MOV10L1: variants seen among roughly 807,000 people sequenced by gnomAD.
MOV10L1 encodes the protein Mov10 like RNA helicase 1, also known as RNA helicase Mov10l1.
Under a neutral mutation model 143.8 loss-of-function variants are expected in MOV10L1, and 110 were observed. The ratio of observed to expected loss-of-function variants is 0.76; its 90% CI spans 0.66 to 0.90. MOV10L1 has a LOEUF of 0.90. Ranked by LOEUF, MOV10L1 falls within the 40% of genes least tolerant of loss-of-function variation. The pLI, the probability that MOV10L1 is intolerant of heterozygous loss-of-function variation, is 0.00. For synonymous variants in MOV10L1, 593 were observed against 581.1 expected (o/e 1.02, Z -0.29); for missense variants, 1,406 against 1,526.8 (o/e 0.92, Z 1.32).
At chr22:50,113,907 CTTTTCTT>C in intron 6 of MOV10L1, 119 bp downstream of exon 6, 43 of 451,080 alleles carry the variant, frequency 9.5e-5, no homozygotes, top group Admixed American at 3.9e-4. Flanking sequence ...TTATGAAGAT[CTTTTCTT>C]TTTTTTTTTT....
At position 50,117,283 on chromosome 22, in the gene MOV10L1, G is replaced by A; in HGVS notation, c.1386G>A (p.Trp462Ter). Residue 462 changes from tryptophan (W) to a stop codon, truncating the protein, a stop_gained, in exon 9 of 27, where the codon TGG (tryptophan) becomes TGA (stop). Coordinates refer to ENST00000262794, the MANE Select transcript of MOV10L1 (RefSeq NM_018995.3). LOFTEE classifies it high-confidence loss of function. Reference protein sequence around the residue: ...SLIAAREPFSWKKLKSSQALT... With the variant: ...SLIAAREPFS Reference sequence around the variant, plus strand: ...TTGCTGCGCGCGAACCATTTTCTTGGAAAAAGCTTAAAAGTTCACAAGCGT... The same window carrying A: ...TTGCTGCGCGCGAACCATTTTCTTGAAAAAAGCTTAAAAGTTCACAAGCGT... 1 of 1,614,112 alleles carries A rather than the reference G, an allele frequency of 6.2e-7. No homozygotes were observed. Among genetic ancestry groups the A allele is most frequent in the Non-Finnish European group, 8.5e-7 (1 of 1,180,024 alleles).
At chr22:50,116,885 G>C (rs2062194846) in intron 8 of MOV10L1, among the ~76,000 whole-genome samples, 2 of 151,930 alleles carry the variant, frequency 1.3e-5, no homozygotes, top group Admixed American at 6.6e-5. Context: ...CAAACTCCTG[G>C]GCTCAAGCGA....
chr22:50,135,307 C>T (rs558911312), intron 15 of MOV10L1, among the ~76,000 whole-genome samples: 127 of 152,054 alleles, frequency 8.4e-4, no homozygotes, highest in African/African-American at 2.9e-3. Flanking sequence ...CCACCACACC[C>T]GGCCTTAGAG....
intron 18 of MOV10L1, 48 bp from the exon 19 acceptor site, chr22:50,145,641 G>T: frequency 6.2e-7 from 1 of 1,604,874 alleles, no homozygotes. Context: ...TTGGAATTCT[G>T]CTTAATAATT....
intron 19 of MOV10L1, chr22:50,146,948 GC>G: frequency 2.1e-6 from 2 of 957,542 alleles, no homozygotes; most frequent in Non-Finnish European, 3.2e-6. Context: ...TTTCAGACTA[GC>G]CACTGTGCGG....
At chr22:50,137,382 A>G (rs1202885491) in intron 15 of MOV10L1, among the ~76,000 whole-genome samples, 1 of 152,210 alleles carries the variant, frequency 6.6e-6, no homozygotes, top group Non-Finnish European at 1.5e-5. Flanking sequence ...AATATATTGG[A>G]CAGAATTATC....
chr22:50,127,846 C>T (rs2062556206), intron 12 of MOV10L1, among the ~76,000 whole-genome samples: 1 of 151,546 alleles, frequency 6.6e-6, no homozygotes. Context: ...GATCTTGGCT[C>T]ACTGCAACCT....
intron 2 of MOV10L1, among the ~76,000 whole-genome samples, chr22:50,098,791 G>A (rs1027169522): frequency 1.3e-5 from 2 of 152,168 alleles, no homozygotes; most frequent in African/African-American, 4.8e-5. Flanking sequence ...CATTGAGTGT[G>A]GTGTTTGTTG....
intron 22 of MOV10L1, among the ~76,000 whole-genome samples, chr22:50,156,949 A>C (rs919049731): frequency 6.6e-6 from 1 of 152,176 alleles, no homozygotes; most frequent in Non-Finnish European, 1.5e-5. Context: ...TTTCCACAGT[A>C]ACTGCAGCAT....
intron 1 of MOV10L1, chr22:50,090,654 C>T (rs2079976231): frequency 2.8e-6 from 3 of 1,056,146 alleles, no homozygotes; most frequent in Non-Finnish European, 4.3e-6. Context: ...GATGCCCTCA[C>T]CGTTCCTTTC....
chr22:50,153,090 A>T lies in MOV10L1; in HGVS notation c.2938A>T (p.Met980Leu). ...CTACCGGTCCCACGAGGCCCTGCTGATGCTGCCCTCACGGCTGTTCTACCA... is the reference window on the plus strand; with the variant it reads ...CTACCGGTCCCACGAGGCCCTGCTGTTGCTGCCCTCACGGCTGTTCTACCA... ...KNYRSHEALL[M>L]LPSRLFYHRE... is the part of the protein sequence containing the mutation. The change falls in exon 22 of 27, where the codon ATG becomes TTG. Residue 980 changes from methionine to leucine, a missense_variant. This residue lies in a region of MOV10L1 where 1,233 missense variants were observed against 1,351.4 expected (regional missense o/e 0.91). Transcript: ENST00000262794. 6.2e-7 allele frequency: 1 copy of T among 1,612,914 alleles called. No individual in the cohort carries two copies. Among genetic ancestry groups the T allele is most frequent in the Admixed American group, 1.7e-5 (1 of 59,990 alleles).
intron 9 of MOV10L1, 61 bp downstream of exon 9, chr22:50,117,412 G>A (rs551374743): frequency 1.3e-5 from 20 of 1,564,100 alleles, no homozygotes; most frequent in African/African-American, 1.2e-4. Context: ...AAGGAAAAGC[G>A]GACGTGCACT....
chr22:50,136,392 A>C (rs1397151025), intron 15 of MOV10L1, among the ~76,000 whole-genome samples: 1 of 152,248 alleles, frequency 6.6e-6, no homozygotes, highest in African/African-American at 2.4e-5. Flanking sequence ...AAATAAACTC[A>C]AGAATATTTC....
chr22:50,090,487 C>G, intron 1 of MOV10L1: 33 of 1,609,360 alleles, frequency 2.1e-5, no homozygotes, highest in Non-Finnish European at 2.8e-5. Flanking sequence ...TGTCGTTCCT[C>G]CCTGTCCGCA....
In MOV10L1 at chr22:50,125,490, G is replaced by A. The variant is rs141954417; in HGVS notation, c.1668G>A (p.Gly556=). The change falls in exon 11 of 27, where the codon GGG becomes GGA. Residue 556 remains glycine, a synonymous_variant. Coordinates refer to ENST00000262794, the MANE Select transcript of MOV10L1 (RefSeq NM_018995.3). ...AACTGAAAGAGTATAACATGAGCGG[G>A]ATCATCTTAAGAAGGAATGGGGATC... ...EMELKEYNMS[G]IILRRNGDLL... is the part of the protein sequence containing the mutation. The A allele has an allele frequency of 6.2e-7, 1 of 1,614,192 alleles. No homozygotes were observed. Among genetic ancestry groups the A allele is most frequent in the South Asian group, 1.1e-5 (1 of 91,080 alleles).
intron 3 of MOV10L1, among the ~76,000 whole-genome samples, chr22:50,106,325 CT>C (rs1165257394): frequency 3.7e-4 from 35 of 94,552 alleles, no homozygotes; most frequent in African/African-American, 7.6e-4. Context: ...CCAACTAATT[CT>C]TTTTTTTTTT....
chr22:50,157,943 G>T, intron 22 of MOV10L1, 114 bp from the exon 23 acceptor site: 5 of 1,272,378 alleles, frequency 3.9e-6, no homozygotes, highest in Non-Finnish European at 5.5e-6. Context: ...CGAGAGCAGG[G>T]ATTTATTCTG....
chr22:50,144,040 G>A, intron 17 of MOV10L1, 57 bp from the exon 18 acceptor site: 7 of 1,576,148 alleles, frequency 4.4e-6, no homozygotes, highest in Non-Finnish European at 3.5e-6. Flanking sequence ...TAGACTCCTG[G>A]TTTCCACCTT....
chr22:50,115,998 C>A (rs1015982173), intron 8 of MOV10L1, among the ~76,000 whole-genome samples: 7 of 152,206 alleles, frequency 4.6e-5, no homozygotes, highest in Non-Finnish European at 7.3e-5. Context: ...GCTGACCAAA[C>A]AGGCCCTGTC....
Sources: gnomAD v4.1 joint callset for allele counts (sites outside exome capture counted in the v4.1 genomes callset) on GRCh38, gnomAD v4.1.1 for gene constraint, gnomAD v4.1.1 regional missense constraint, MANE v1.5 for transcripts, NCBI Gene and HGNC (gene_info 2026-07-23, HGNC 2026-07-21) for gene names.